Variants in ADARB2 observed in about 807,000 individuals in gnomAD.
The protein encoded by ADARB2 is inactive double-stranded RNA-specific editase B2.
In ADARB2, 25 loss-of-function variants were observed where a neutral mutation model predicts 62.2. That is an observed-to-expected ratio of 0.40 (90% CI 0.29 to 0.56). The LOEUF (loss-of-function observed/expected upper bound fraction) is 0.56. ADARB2 is among the 20% of genes least tolerant of loss of function. The pLI, the probability that ADARB2 is intolerant of heterozygous loss-of-function variation, is 0.43. For synonymous variants in ADARB2, 572 were observed against 500.8 expected (o/e 1.14, Z -1.90); for missense variants, 1,071 against 1,077.4 (o/e 0.99, Z 0.08).
At chr10:1,206,942 C>T (rs369274227) in intron 7 of ADARB2, among the ~76,000 whole-genome samples, 1 of 152,348 alleles carries the variant, frequency 6.6e-6, no homozygotes, top group East Asian at 1.9e-4. Context: ...GGTGCTGGTG[C>T]AGGAGGGCAG....
At chr10:1,417,460 TACTG>T (rs1303510867) in intron 1 of ADARB2, among the ~76,000 whole-genome samples, 1 of 152,188 alleles carries the variant, frequency 6.6e-6, no homozygotes, top group Admixed American at 6.5e-5. Context: ...TTAATTATCT[TACTG>T]ACTCAAAAGA....
chr10:1,650,652 G>T (rs973079053), intron 1 of ADARB2, among the ~76,000 whole-genome samples: 1 of 152,130 alleles, frequency 6.6e-6, no homozygotes, highest in Non-Finnish European at 1.5e-5. Flanking sequence ...TAAATTAAAC[G>T]GGCACATGAC....
rs961893839 is a variant in ADARB2 at position 1,200,215 on chromosome 10, G to A, written c.1683-68C>T. 9.1e-6 allele frequency: 14 copies of A among 1,542,402 alleles called. 1 individual carries two copies. The highest frequency in any genetic ancestry group is 6.0e-5 in the South Asian group (5 of 83,918). On this transcript the variant is annotated intron_variant, in intron 7 of 9. Transcript: ENST00000381312. ...CCAGGGAGCCTGGTCCTCTCTGTCC[G>A]TCTGCGGCCTGGTCCTGAGGACCTG...
intron 1 of ADARB2, among the ~76,000 whole-genome samples, chr10:1,485,488 G>T (rs964680934): frequency 2.1e-4 from 32 of 152,060 alleles, no homozygotes; most frequent in African/African-American, 7.7e-4. Context: ...ACGCAGCTCC[G>T]CACGCAGCCT....
chr10:1,377,048 G>C (rs1455201375), intron 2 of ADARB2, among the ~76,000 whole-genome samples: 1 of 139,688 alleles, frequency 7.2e-6, no homozygotes, highest in Admixed American at 7.1e-5. Flanking sequence ...GTGCGCATGT[G>C]CTTGTGTGCT....
intron 1 of ADARB2, among the ~76,000 whole-genome samples, chr10:1,456,451 C>A (rs1469830317): frequency 6.6e-6 from 1 of 152,174 alleles, no homozygotes; most frequent in Non-Finnish European, 1.5e-5. Context: ...CAAGCCAGTT[C>A]TTGGCTCTCA....
rs1420567070 is a variant in ADARB2, at chr10:1,315,628, G to C, written c.1078-44559C>G. On this transcript the variant is annotated intron_variant, in intron 3 of 9. Transcript: ENST00000381312. ...GGTGCCGTGGTTGCTCCCACAATGGGCCCTACCCTGGCCTCCCAGGGAGGG... is the reference window on the plus strand; with the variant it reads ...GGTGCCGTGGTTGCTCCCACAATGGCCCCTACCCTGGCCTCCCAGGGAGGG... Among the ~76,000 whole-genome samples, 3 of 152,348 alleles carry C rather than the reference G, an allele frequency of 2.0e-5. No individual in the cohort carries two copies. The East Asian group carries it at 5.8e-4, about 29-fold the overall frequency.
Position 1,184,967 on chromosome 10 carries a change from G to C in ADARB2, c.1937C>G (p.Ala646Gly). 6.2e-7 allele frequency: 1 copy of C among 1,613,842 alleles called. No homozygotes were observed. The highest frequency in any genetic ancestry group is 2.2e-5 in the East Asian group (1 of 44,876). Residue 646 changes from alanine to glycine, a missense_variant, in exon 9 of 10, where the codon GCG (alanine) becomes GGG (glycine). Physicochemically the swap from Ala to Gly is moderately conservative, Grantham distance 60 (BLOSUM62 0). Coordinates refer to ENST00000381312, the MANE Select transcript of ADARB2 (RefSeq NM_018702.4). The part of the protein sequence containing the change: ...PFSMNWVVGS[A>G]DLEIINATTG... ...GGTGGCGTTGATAATCTCCAGGTCC[G>C]CGCTGCCCACGACCCAGTTCATGCT...
chr10:1,270,152 G>A (rs972114616), intron 4 of ADARB2, among the ~76,000 whole-genome samples: 3 of 152,176 alleles, frequency 2.0e-5, no homozygotes, highest in African/African-American at 7.2e-5. Context: ...GACCCTGCTG[G>A]CCCAGCGTGG....
chr10:1,730,839 A>G (rs1392457604), intron 1 of ADARB2, among the ~76,000 whole-genome samples: 2 of 152,192 alleles, frequency 1.3e-5, no homozygotes, highest in African/African-American at 2.4e-5. Flanking sequence ...CTAAATTCCA[A>G]TATATATGTA....
chr10:1,543,915 A>G (rs2131971169), intron 1 of ADARB2, among the ~76,000 whole-genome samples: 1 of 151,270 alleles, frequency 6.6e-6, no homozygotes, highest in East Asian at 1.9e-4. Flanking sequence ...TATTTTAAGA[A>G]CTTATCTCTT....
At chr10:1,629,392 G>A (rs1054648229) in intron 1 of ADARB2, among the ~76,000 whole-genome samples, 2 of 152,088 alleles carry the variant, frequency 1.3e-5, no homozygotes, top group Admixed American at 6.5e-5. Context: ...GGACTTCACA[G>A]TGACATTCTA....
chr10:1,328,011 A>ACAGTTCAGCGCCTCCCCACAG (rs1831892155), intron 3 of ADARB2, among the ~76,000 whole-genome samples: 1 of 151,554 alleles, frequency 6.6e-6, no homozygotes, highest in Non-Finnish European at 1.5e-5. Context: ...GCGCCTCCGC[A>ACAGTTCAGCGCCTCCCCACAG]TTCTGGGGGC....
At chr10:1,492,615 G>T (rs984325847) in intron 1 of ADARB2, among the ~76,000 whole-genome samples, 20 of 152,064 alleles carry the variant, frequency 1.3e-4, no homozygotes, top group Non-Finnish European at 2.8e-4. Flanking sequence ...AGCCCTAGAA[G>T]GCTAATAGGT....
At chr10:1,632,718 T>A (rs925589474) in intron 1 of ADARB2, among the ~76,000 whole-genome samples, 3 of 152,220 alleles carry the variant, frequency 2.0e-5, no homozygotes, top group African/African-American at 7.2e-5. Context: ...TGAAGTGGCA[T>A]TGAATAGACA....
At position 1,226,384 on chromosome 10, in the gene ADARB2, C is replaced by G. The variant is rs150501723; in HGVS notation, c.1513+7310G>C. On this transcript the variant is annotated intron_variant, in intron 6 of 9. Coordinates refer to ENST00000381312, the MANE Select transcript of ADARB2 (RefSeq NM_018702.4). ...CTCCTGTAGCTCAGAGTAGTTTGAT[C>G]GTCTGAAGCCTTCTTCTCTGAACTC... 5.7e-3 allele frequency among the ~76,000 whole-genome samples: 874 copies of G among 152,286 alleles called. 14 individuals are homozygous for G. Among genetic ancestry groups the G allele is most frequent in the African/African-American group, 0.02 (840 of 41,558 alleles).
rs77265653 is a variant in ADARB2, at chr10:1,710,016, C to T, written c.100+27035G>A. ...AGCTCTCCTGAGAGCACAGTCCCCT[C>T]GCAGGGCTAATAACCTTCTCTGCAA... On this transcript the variant is annotated intron_variant, in intron 1 of 9. Transcript: ENST00000381312. Among the ~76,000 whole-genome samples the T allele has an allele frequency of 0.014, 2,181 of 152,288 alleles. 138 individuals are homozygous for T. The East Asian group carries it at 0.18, about 13-fold the overall frequency.
chr10:1,620,649 A>C (rs577947410), intron 1 of ADARB2, among the ~76,000 whole-genome samples: 3 of 152,344 alleles, frequency 2.0e-5, no homozygotes, highest in Middle Eastern at 6.8e-3. Context: ...TATTGATAGC[A>C]AGCACAAAAA....
intron 3 of ADARB2, among the ~76,000 whole-genome samples, chr10:1,294,280 G>A (rs1283329308): frequency 1.3e-5 from 2 of 152,184 alleles, no homozygotes; most frequent in Non-Finnish European, 2.9e-5. Context: ...TGCCAGCCAT[G>A]TGCAGATGGC....
Sources: allele counts gnomAD v4.1 joint callset (sites outside exome capture counted in the v4.1 genomes callset), GRCh38; gene constraint gnomAD v4.1.1; transcripts MANE v1.5; gene names NCBI Gene and HGNC (gene_info 2026-07-23, HGNC 2026-07-21).